APCDD1L: variants seen among roughly 807,000 people sequenced by gnomAD.
APCDD1L encodes the protein APC down-regulated 1 like.
A neutral mutation model predicts 24.2 loss-of-function variants in APCDD1L; 21 were observed. The observed-to-expected ratio is 0.87, with a 90% CI of 0.61 to 1.25. The LOEUF is 1.25. Ranked by LOEUF, APCDD1L falls within the 50% of genes most tolerant of loss-of-function variation. The pLI, the probability that APCDD1L is intolerant of heterozygous loss-of-function variation, is 0.00. For missense variants in APCDD1L, 704 were observed against 711.7 expected, an observed-to-expected ratio of 0.99 and a Z score of 0.12; for synonymous variants, 321 against 323.6, an observed-to-expected ratio of 0.99 and a Z score of 0.09.
At chr20:58,470,114 C>T (rs561983858) in intron 2 of APCDD1L, among the ~76,000 whole-genome samples, 2 of 152,346 alleles carry the variant, frequency 1.3e-5, no homozygotes, top group East Asian at 3.9e-4. Flanking sequence ...AGCAGCTGCC[C>T]CCTCTGCCTG....
chr20:58,500,621 C>T (rs781123785), intron 1 of APCDD1L, among the ~76,000 whole-genome samples: 2 of 152,090 alleles, frequency 1.3e-5, no homozygotes, highest in Admixed American at 6.5e-5. Flanking sequence ...AGTGTCATGC[C>T]CTCTCTTTAC....
chr20:58,482,612 TCATGGTTA>T (rs1431816128), intron 1 of APCDD1L, among the ~76,000 whole-genome samples: 1 of 152,152 alleles, frequency 6.6e-6, no homozygotes, highest in Non-Finnish European at 1.5e-5. Context: ...CATCAGAGTA[TCATGGTTA>T]CCACCACGAT....
chr20:58,498,336 G>A (rs778432355), intron 1 of APCDD1L, among the ~76,000 whole-genome samples: 4 of 152,170 alleles, frequency 2.6e-5, no homozygotes, highest in Non-Finnish European at 5.9e-5. Context: ...TGGTTGTGGC[G>A]TTGCTGAAAT....
intron 3 of APCDD1L, among the ~76,000 whole-genome samples, chr20:58,466,646 A>C (rs1989710826): frequency 6.6e-6 from 1 of 152,220 alleles, no homozygotes; most frequent in African/African-American, 2.4e-5. Context: ...CTAGCGCCAG[A>C]GGGAGAGGCA....
At position 58,508,714 on chromosome 20, in the gene APCDD1L, A is replaced by G. The variant is rs1477748565; in HGVS notation, c.49+5945T>C. On this transcript the variant is annotated intron_variant, in intron 1 of 3. Coordinates refer to ENST00000371149, the MANE Select transcript of APCDD1L (RefSeq NM_153360.3). The surrounding 1 kb of genome is among the most constrained non-coding windows in gnomAD (Gnocchi z 4.0). The stretch of plus-strand genomic sequence containing the variant: ...TATGAGCGATTACTGAGTACCTACT[A>G]TGTGCCAGGCACTGTTCTAGGGACC... 1.3e-5 allele frequency among the ~76,000 whole-genome samples: 2 copies of G among 152,164 alleles called. No homozygotes were observed. The highest frequency in any genetic ancestry group is 2.9e-5 in the Non-Finnish European group (2 of 68,042).
At chr20:58,484,202 C>A (rs551223753) in intron 1 of APCDD1L, among the ~76,000 whole-genome samples, 1 of 152,270 alleles carries the variant, frequency 6.6e-6, no homozygotes, top group East Asian at 1.9e-4. Flanking sequence ...TATGTAAGTT[C>A]TTTTATGCCA....
chr20:58,513,606 C>A (rs540731759), intron 1 of APCDD1L, among the ~76,000 whole-genome samples: 3 of 152,294 alleles, frequency 2.0e-5, no homozygotes, highest in African/African-American at 7.2e-5. Flanking sequence ...TGGAGCAGAG[C>A]GTGCTCTGTG....
chr20:58,493,307 G>C (rs1290285517), intron 1 of APCDD1L, among the ~76,000 whole-genome samples: 1 of 152,182 alleles, frequency 6.6e-6, no homozygotes, highest in Non-Finnish European at 1.5e-5. Context: ...AAAGACACTG[G>C]TTGGGCCCCA....
Position 58,494,938 on chromosome 20 carries a change from C to T in APCDD1L, c.49+19721G>A, listed in dbSNP as rs541901302. ...GCTCATTCTCCTCCTTCAGCTCAAG[C>T]GTCTCCTCTTCAGTGAGAACACCCC... On this transcript the variant is annotated intron_variant, in intron 1 of 3. Transcript: ENST00000371149. The surrounding 1 kb of genome is among the most constrained non-coding windows in gnomAD (Gnocchi z 4.8). 5.9e-5 allele frequency among the ~76,000 whole-genome samples: 9 copies of T among 152,258 alleles called. No homozygotes were observed. The East Asian group carries it at 1.2e-3, about 20-fold the overall frequency.
intron 1 of APCDD1L, among the ~76,000 whole-genome samples, chr20:58,482,287 TA>T (rs1416956203): frequency 1.3e-5 from 2 of 152,204 alleles, no homozygotes; most frequent in African/African-American, 4.8e-5. Flanking sequence ...TAGATGGTAA[TA>T]TTTAATTATT....
At chr20:58,468,249 T>C (rs78433027) in intron 2 of APCDD1L, among the ~76,000 whole-genome samples, 15,358 of 152,262 alleles carry the variant, frequency 0.1, 972 homozygotes, top group African/African-American at 0.17. Context: ...GTAGAGCTAA[T>C]GCAGCTATAG....
intron 1 of APCDD1L, among the ~76,000 whole-genome samples, chr20:58,512,793 T>C (rs1157850596): frequency 6.6e-6 from 1 of 152,122 alleles, no homozygotes; most frequent in Non-Finnish European, 1.5e-5. Context: ...AAGCGTTCAG[T>C]GGAAAATAGT....
At chr20:58,480,431 G>GC (rs746433551) in intron 1 of APCDD1L, among the ~76,000 whole-genome samples, 2 of 152,152 alleles carry the variant, frequency 1.3e-5, no homozygotes, top group East Asian at 3.9e-4. Context: ...TTAGCTACTG[G>GC]CCCCCCAGTT....
chr20:58,462,013 A>G (rs1234504938), intron 3 of APCDD1L: 2 of 160,572 alleles, frequency 1.2e-5, no homozygotes. Context: ...AAAGCCCTAG[A>G]AAGCCGGGAC....
chr20:58,504,698 A>C (rs1201066523), intron 1 of APCDD1L, among the ~76,000 whole-genome samples: 1 of 152,148 alleles, frequency 6.6e-6, no homozygotes, highest in Non-Finnish European at 1.5e-5. Context: ...GACTGAGGGC[A>C]CCTTTGGCAA....
Position 58,497,585 on chromosome 20 carries a change from C to T in APCDD1L, c.49+17074G>A, listed in dbSNP as rs1411123512. 6.6e-6 allele frequency among the ~76,000 whole-genome samples: 1 copy of T among 152,082 alleles called. No individual in the cohort carries two copies. Among genetic ancestry groups the T allele is most frequent in the Non-Finnish European group, 1.5e-5 (1 of 68,014 alleles). On this transcript the variant is annotated intron_variant, in intron 1 of 3. Transcript: ENST00000371149. This position sits in a 1 kb window ranked among gnomAD's most constrained non-coding sequence, Gnocchi z 4.3. The stretch of plus-strand genomic sequence containing the variant: ...TGCGTCTCTTCACATCGTCTTCCTT[C>T]GACGCAGGTCTGCGTCCAAATATCC...
chr20:58,478,863 C>T (rs1472619503), intron 1 of APCDD1L, among the ~76,000 whole-genome samples: 1 of 151,908 alleles, frequency 6.6e-6, no homozygotes, highest in African/African-American at 2.4e-5. Flanking sequence ...GCTGGGGGCC[C>T]AGGCTGATCC....
intron 1 of APCDD1L, among the ~76,000 whole-genome samples, chr20:58,495,482 G>C (rs1990304082): frequency 6.6e-6 from 1 of 152,180 alleles, no homozygotes. Flanking sequence ...AGGCTGAGCT[G>C]CCTCCTTGAG....
chr20:58,481,396 G>T (rs1269732295), intron 1 of APCDD1L, among the ~76,000 whole-genome samples: 2 of 152,226 alleles, frequency 1.3e-5, no homozygotes, highest in African/African-American at 4.8e-5. Flanking sequence ...CCCAGAAAGG[G>T]TGCCTGAGAG....
Sources: allele counts gnomAD v4.1 joint callset (sites outside exome capture counted in the v4.1 genomes callset), GRCh38; gene constraint gnomAD v4.1.1; non-coding constraint Gnocchi (gnomAD v3.1); transcripts MANE v1.5; gene names NCBI Gene and HGNC (gene_info 2026-07-23, HGNC 2026-07-21).